Variants in GALNT14 observed in about 807,000 individuals in gnomAD.
The protein encoded by GALNT14 is UDP-GalNAc:polypeptide N-acetylgalactosaminyltransferase 14.
GALNT14 carries 60 observed loss-of-function variants against 77.5 expected under a neutral mutation model. The ratio of observed to expected loss-of-function variants is 0.77; its 90% CI spans 0.63 to 0.96. GALNT14 has a LOEUF of 0.96. GALNT14 is among the 40% of genes least tolerant of loss of function. The pLI is 0.00. For synonymous variants in GALNT14, 280 were observed against 281.7 expected (o/e 0.99, Z 0.06); for missense variants, 710 against 731.0 (o/e 0.97, Z 0.33).
At chr2:30,978,143 A>C (rs1244584101) in intron 2 of GALNT14, among the ~76,000 whole-genome samples, 3 of 152,174 alleles carry the variant, frequency 2.0e-5, no homozygotes, top group Non-Finnish European at 4.4e-5. Flanking sequence ...GGCCCTGCTA[A>C]ACCAGCCCAG....
rs1679314975 is a variant in GALNT14, at chr2:31,138,153, G to C, written c.-67C>G. ...GGGCACCCCCCGGCGGTCAGGGTTGGCGGGGCAGGAGTCCTGGCGAGCGCC... is the reference window on the plus strand; with the variant it reads ...GGGCACCCCCCGGCGGTCAGGGTTGCCGGGGCAGGAGTCCTGGCGAGCGCC... On this transcript the variant is annotated 5_prime_UTR_variant, in exon 1 of 15. Coordinates refer to ENST00000349752, the MANE Select transcript of GALNT14 (RefSeq NM_024572.4). 3 of 1,607,508 alleles carry C rather than the reference G, an allele frequency of 1.9e-6. No individual in the cohort carries two copies. In the East Asian group the frequency reaches 6.7e-5, roughly 36 times the overall value.
intron 1 of GALNT14, among the ~76,000 whole-genome samples, chr2:31,134,731 G>A (rs1679152753): frequency 6.6e-6 from 1 of 152,172 alleles, no homozygotes. Flanking sequence ...ATCTAGGGAT[G>A]AGCCAAGGGA....
At chr2:31,005,424 C>T (rs1670612544) in intron 1 of GALNT14, among the ~76,000 whole-genome samples, 1 of 152,186 alleles carries the variant, frequency 6.6e-6, no homozygotes, top group Non-Finnish European at 1.5e-5. Context: ...CTCCTCCTCC[C>T]AAGGACAATA....
intron 1 of GALNT14, among the ~76,000 whole-genome samples, chr2:31,008,681 G>A (rs1476048682): frequency 6.6e-6 from 1 of 152,254 alleles, no homozygotes; most frequent in African/African-American, 2.4e-5. Context: ...GTGGGAGGAT[G>A]CGGTGCATAG....
intron 4 of GALNT14, 95 bp from the exon 5 acceptor site, chr2:30,956,072 G>A: frequency 8.1e-7 from 1 of 1,230,636 alleles, no homozygotes; most frequent in Non-Finnish European, 1.2e-6. Context: ...GGGTAGGTGA[G>A]GCAGCCCTGT....
chr2:30,941,592 C>A (rs1292559895), intron 9 of GALNT14, among the ~76,000 whole-genome samples: 1 of 152,186 alleles, frequency 6.6e-6, no homozygotes, highest in African/African-American at 2.4e-5. Context: ...TCAGCTCTAT[C>A]CCACCATGAC....
intron 1 of GALNT14, among the ~76,000 whole-genome samples, chr2:31,011,610 C>G (rs1418358209): frequency 6.6e-6 from 1 of 152,108 alleles, no homozygotes; most frequent in Non-Finnish European, 1.5e-5. Context: ...ACAGGAGGCA[C>G]CTGGCTGTTA....
chr2:30,969,429 G>A (rs1668207304), intron 2 of GALNT14, among the ~76,000 whole-genome samples: 1 of 152,330 alleles, frequency 6.6e-6, no homozygotes, highest in South Asian at 2.1e-4. Context: ...TGGGGAGGGA[G>A]GTGGTACTGA....
At chr2:30,950,290 C>A (rs1044556624) in intron 6 of GALNT14, among the ~76,000 whole-genome samples, 3 of 151,352 alleles carry the variant, frequency 2.0e-5, no homozygotes, top group Non-Finnish European at 1.5e-5. Flanking sequence ...TAAAAAAAAA[C>A]CCCAACTTGG....
At chr2:31,123,806 C>A (rs1453816385) in intron 1 of GALNT14, among the ~76,000 whole-genome samples, 1 of 152,084 alleles carries the variant, frequency 6.6e-6, no homozygotes, top group African/African-American at 2.4e-5. Context: ...CCCCATGTAC[C>A]CCGGCAAAGA....
intron 1 of GALNT14, among the ~76,000 whole-genome samples, chr2:31,125,667 G>A (rs2148644477): frequency 6.6e-6 from 1 of 152,280 alleles, no homozygotes; most frequent in South Asian, 2.1e-4. Context: ...ATGGTTAATA[G>A]CAGGTATTTG....
chr2:30,977,392 T>C (rs1558460110), intron 2 of GALNT14, among the ~76,000 whole-genome samples: 1 of 152,270 alleles, frequency 6.6e-6, no homozygotes, highest in Non-Finnish European at 1.5e-5. Context: ...TACCCAGCCC[T>C]TCTCTCTGTC....
intron 1 of GALNT14, among the ~76,000 whole-genome samples, chr2:31,133,494 C>G (rs1442191894): frequency 1.3e-5 from 2 of 152,148 alleles, no homozygotes; most frequent in Non-Finnish European, 2.9e-5. Context: ...ATTTCTAGTA[C>G]AGCACCAATA....
chr2:31,132,765 G>A, intron 1 of GALNT14: 2 of 470,688 alleles, frequency 4.2e-6, no homozygotes, highest in Non-Finnish European at 8.8e-6. Flanking sequence ...CATCTTGCCT[G>A]GGGGCCAGAC....
intron 1 of GALNT14, among the ~76,000 whole-genome samples, chr2:31,117,913 A>G (rs2365206): frequency 0.62 from 94,786 of 152,052 alleles, 31,249 homozygotes; most frequent in African/African-American, 0.85. Context: ...CTTGTCACCC[A>G]CATTATCTGG....
At position 30,955,972 on chromosome 2, in the gene GALNT14, C is replaced by A; in HGVS notation, c.472G>T (p.Asp158Tyr). ...LVDDFSNDPDDCKQLIKLPKV... is the reference protein window; with the variant it reads ...LVDDFSNDPDYCKQLIKLPKV... ...GGCAACTTGATGAGCTGTTTACAGT[C>A]ATCAGCTGCAAAGACAAAAGGTTAA... Residue 158 changes from aspartate to tyrosine, a missense_variant, in exon 5 of 15, where the codon GAC becomes TAC. Asp to Tyr is a radical substitution (Grantham distance 160, BLOSUM62 -3). Transcript: ENST00000349752. 6.2e-7 allele frequency: 1 copy of A among 1,614,200 alleles called. No homozygotes were observed. The highest frequency in any genetic ancestry group is 1.1e-5 in the South Asian group (1 of 91,052).
intron 1 of GALNT14, among the ~76,000 whole-genome samples, chr2:31,016,345 T>A (rs80295129): frequency 6.6e-6 from 1 of 152,128 alleles, no homozygotes; most frequent in Non-Finnish European, 1.5e-5. Context: ...TACCTCCTTA[T>A]AGGCCATCTC....
At chr2:31,078,033 G>C (rs987159017) in intron 1 of GALNT14, among the ~76,000 whole-genome samples, 1 of 152,258 alleles carries the variant, frequency 6.6e-6, no homozygotes, top group Admixed American at 6.5e-5. Context: ...GCTTAAGTCA[G>C]AAGCTGAGGA....
At chr2:31,117,885 C>T (rs75510920) in intron 1 of GALNT14, among the ~76,000 whole-genome samples, 6,902 of 152,232 alleles carry the variant, frequency 0.045, 211 homozygotes, top group African/African-American at 0.084. Flanking sequence ...CATCATGTGG[C>T]CCTGCCATCC....
Sources: allele counts gnomAD v4.1 joint callset (sites outside exome capture counted in the v4.1 genomes callset), GRCh38; gene constraint gnomAD v4.1.1; transcripts MANE v1.5; gene names NCBI Gene and HGNC (gene_info 2026-07-23, HGNC 2026-07-21).